MAGI1: variants seen among roughly 807,000 people sequenced by gnomAD.
The protein encoded by MAGI1 is membrane associated guanylate kinase, WW and PDZ domain containing 1, also known as membrane-associated guanylate kinase, WW and PDZ domain-containing protein 1.
Under a neutral mutation model 139.9 loss-of-function variants are expected in MAGI1, and 58 were observed. That is an observed-to-expected ratio of 0.41 (90% CI 0.34 to 0.52). MAGI1 has a LOEUF of 0.52. MAGI1 is among the 20% of genes least tolerant of loss of function. The pLI is 0.12. For missense variants in MAGI1, 1,874 were observed against 1,901.6 expected, an observed-to-expected ratio of 0.99 and a Z score of 0.27; for synonymous variants, 812 against 737.9, an observed-to-expected ratio of 1.10 and a Z score of -1.63.
chr3:66,017,444 C>T (rs1306491001), intron 1 of MAGI1, among the ~76,000 whole-genome samples: 4 of 152,220 alleles, frequency 2.6e-5, no homozygotes, highest in African/African-American at 9.6e-5. Flanking sequence ...GTCACCTACC[C>T]TTAATTCACA....
chr3:65,913,809 G>A (rs757757045), intron 1 of MAGI1, among the ~76,000 whole-genome samples: 6 of 152,180 alleles, frequency 3.9e-5, no homozygotes, highest in East Asian at 1.9e-4. Context: ...GGAACATATC[G>A]TATTTTTTGA....
chr3:65,546,752 G>C (rs964389051), intron 2 of MAGI1, among the ~76,000 whole-genome samples: 4 of 151,998 alleles, frequency 2.6e-5, no homozygotes, highest in African/African-American at 9.7e-5. Flanking sequence ...GTTAGGTGTG[G>C]TGTTAATTCT....
chr3:65,934,102 G>A (rs1184644827), intron 1 of MAGI1, among the ~76,000 whole-genome samples: 3 of 152,062 alleles, frequency 2.0e-5, no homozygotes, highest in South Asian at 2.1e-4. Flanking sequence ...GCCTGGGCAC[G>A]ACAGAGCGAG....
rs941242775 is a variant in MAGI1, at chr3:65,971,193, C to A, written c.313+66803G>T. Among the ~76,000 whole-genome samples the A allele has an allele frequency of 3.3e-5, 5 of 152,208 alleles. No individual in the cohort carries two copies. In the East Asian group the frequency reaches 9.6e-4, roughly 29 times the overall value. ...ACTCCAGCCTGGAAACAGAGCGAGA[C>A]TCCGTCTCAAAAATACATAAATAAA... is the stretch of plus-strand genomic sequence containing the variant. On this transcript the variant is annotated intron_variant, in intron 1 of 22. Coordinates refer to ENST00000402939, the MANE Select transcript of MAGI1 (RefSeq NM_001033057.2).
At chr3:65,908,852 G>A (rs529313307) in intron 1 of MAGI1, among the ~76,000 whole-genome samples, 1 of 152,236 alleles carries the variant, frequency 6.6e-6, no homozygotes, top group Non-Finnish European at 1.5e-5. Context: ...ACCACTCATA[G>A]TCTACATTTC....
At chr3:65,458,245 G>A (rs1949530975) in intron 5 of MAGI1, among the ~76,000 whole-genome samples, 1 of 151,908 alleles carries the variant, frequency 6.6e-6, no homozygotes, top group African/African-American at 2.4e-5. Context: ...ATGGCGAATA[G>A]TCCTGCAATA....
chr3:65,515,535 C>G (rs1206592910), intron 2 of MAGI1, among the ~76,000 whole-genome samples: 1 of 152,130 alleles, frequency 6.6e-6, no homozygotes, highest in South Asian at 2.1e-4. Flanking sequence ...AGGGCCTGAT[C>G]AAATCTTTGG....
At chr3:65,630,298 T>C (rs1444127388) in intron 1 of MAGI1, among the ~76,000 whole-genome samples, 1 of 152,076 alleles carries the variant, frequency 6.6e-6, no homozygotes, top group Non-Finnish European at 1.5e-5. Context: ...CAGAGACAAT[T>C]GTTAAGGTGA....
At chr3:65,872,453 G>C (rs939220101) in intron 1 of MAGI1, among the ~76,000 whole-genome samples, 2 of 151,710 alleles carry the variant, frequency 1.3e-5, no homozygotes, top group African/African-American at 4.9e-5. Flanking sequence ...TCTCTTTCCT[G>C]TCCCTAACCT....
At chr3:66,014,940 A>G (rs1236734170) in intron 1 of MAGI1, among the ~76,000 whole-genome samples, 1 of 152,142 alleles carries the variant, frequency 6.6e-6, no homozygotes, top group Non-Finnish European at 1.5e-5. Flanking sequence ...CTTCCCCTTA[A>G]GGCCAGTTCT....
intron 10 of MAGI1, 90 bp downstream of exon 10, chr3:65,437,065 G>T: frequency 1.4e-6 from 1 of 721,146 alleles, no homozygotes; most frequent in Non-Finnish European, 2.3e-6. Flanking sequence ...AATGACTTGG[G>T]AGTTACGAGA....
chr3:65,825,371 TG>T (rs1345214383), intron 1 of MAGI1, among the ~76,000 whole-genome samples: 2 of 152,230 alleles, frequency 1.3e-5, no homozygotes, highest in African/African-American at 4.8e-5. Flanking sequence ...GTGCTGAAGC[TG>T]GCTTGTATTG....
chr3:65,770,375 G>A (rs138357786), intron 1 of MAGI1, among the ~76,000 whole-genome samples: 36 of 152,268 alleles, frequency 2.4e-4, no homozygotes, highest in African/African-American at 7.2e-4. Context: ...TCTAGGTACC[G>A]TAGGGCATTG....
chr3:65,453,451 A>G, intron 5 of MAGI1, 111 bp from the exon 6 acceptor site: 1 of 774,108 alleles, frequency 1.3e-6, no homozygotes, highest in Admixed American at 2.6e-5. Flanking sequence ...ACTACAACAA[A>G]GATGCTTTCC....
chr3:65,976,472 A>T (rs1316911947), intron 1 of MAGI1, among the ~76,000 whole-genome samples: 1 of 152,120 alleles, frequency 6.6e-6, no homozygotes, highest in Non-Finnish European at 1.5e-5. Flanking sequence ...TCTACTAAAA[A>T]TACAAAAAAT....
In MAGI1 at chr3:65,439,529, C is replaced by T. The variant is rs556987213; in HGVS notation, c.1270+350G>A. On this transcript the variant is annotated intron_variant, in intron 9 of 22. Transcript: ENST00000402939. The stretch of plus-strand genomic sequence containing the variant: ...TAAAAGTTAGTTTCATGCCCAGTAA[C>T]TCCACTTAAAGTAAAAATGCTAAAA... Among the ~76,000 whole-genome samples the T allele has an allele frequency of 1.2e-4, 18 of 152,284 alleles. No homozygotes were observed. The South Asian group carries it at 3.7e-3, about 32-fold the overall frequency.
chr3:66,005,902 A>G (rs943117738), intron 1 of MAGI1, among the ~76,000 whole-genome samples: 2 of 152,180 alleles, frequency 1.3e-5, no homozygotes, highest in African/African-American at 2.4e-5. Flanking sequence ...CTGACTTCCA[A>G]TAAGATTGCA....
At chr3:65,949,633 C>G (rs911433520) in intron 1 of MAGI1, among the ~76,000 whole-genome samples, 1 of 152,214 alleles carries the variant, frequency 6.6e-6, no homozygotes, top group Non-Finnish European at 1.5e-5. Context: ...CTCCAAAGTG[C>G]TAAGATATAC....
At chr3:65,564,101 C>G (rs936879179) in intron 2 of MAGI1, among the ~76,000 whole-genome samples, 14 of 152,110 alleles carry the variant, frequency 9.2e-5, no homozygotes, top group Non-Finnish European at 1.3e-4. Context: ...CCTGCATTTA[C>G]GCTTTCCCAT....
Sources: gnomAD v4.1 joint callset for allele counts (sites outside exome capture counted in the v4.1 genomes callset) on GRCh38, gnomAD v4.1.1 for gene constraint, MANE v1.5 for transcripts, NCBI Gene and HGNC (gene_info 2026-07-23, HGNC 2026-07-21) for gene names.